The following KIAA0753 variants were observed in gnomAD, a reference collection of about 807,000 sequenced individuals.
KIAA0753 encodes KIAA0753.
In KIAA0753, 114 loss-of-function variants were observed where a neutral mutation model predicts 116.9. The ratio of observed to expected loss-of-function variants is 0.98; its 90% CI spans 0.84 to 1.14. The LOEUF is 1.14. Ranked by LOEUF, KIAA0753 falls within the 50% of genes most tolerant of loss-of-function variation. KIAA0753 has a pLI of 0.00. For missense variants in KIAA0753, 1,156 were observed against 1,172.4 expected (o/e 0.99, Z 0.20); for synonymous variants, 405 against 413.1 (o/e 0.98, Z 0.24).
chr17:6,600,233 A>G, intron 13 of KIAA0753, 147 bp downstream of exon 13: 1 of 656,436 alleles, frequency 1.5e-6, no homozygotes, highest in Non-Finnish European at 2.7e-6. Context: ...TGGAGGGCAT[A>G]TCAGTAGTGT....
At chr17:6,613,162 T>C (rs955572162) in intron 7 of KIAA0753, among the ~76,000 whole-genome samples, 8 of 151,772 alleles carry the variant, frequency 5.3e-5, no homozygotes, top group African/African-American at 1.2e-4. Context: ...AAATAACTAA[T>C]AGAAAATATA....
In KIAA0753 at chr17:6,624,871, T is replaced by A. The variant is rs200815852; in HGVS notation, c.719-10A>T. 6.6e-6 allele frequency: 10 copies of A among 1,525,714 alleles called. No individual in the cohort carries two copies. In the East Asian group the frequency reaches 2.2e-4, roughly 33 times the overall value. 94.5% of individuals were successfully genotyped at this position (1,525,714 alleles called of 1,614,324 possible). On this transcript the variant is annotated splice_polypyrimidine_tract_variant and intron_variant, in intron 3 of 18. Coordinates refer to ENST00000361413, the MANE Select transcript of KIAA0753 (RefSeq NM_014804.3). ...GCTTCTTCTAGTCTATCTGAAAATA[T>A]TAATAGTTTTCCCCAAAAGTGGATT...
intron 18 of KIAA0753, among the ~76,000 whole-genome samples, chr17:6,581,675 T>C (rs756416132): frequency 2.0e-5 from 3 of 152,256 alleles, no homozygotes; most frequent in Non-Finnish European, 4.4e-5. Context: ...TGTCTTTTAC[T>C]TATGTATTCA....
chr17:6,605,782 T>G (rs561315230), intron 12 of KIAA0753, among the ~76,000 whole-genome samples: 82 of 152,264 alleles, frequency 5.4e-4, no homozygotes, highest in African/African-American at 1.9e-3. Flanking sequence ...GTCGATTCCT[T>G]GACTTACGAT....
At chr17:6,625,540 A>C (rs1971610489) in intron 3 of KIAA0753, among the ~76,000 whole-genome samples, 1 of 151,020 alleles carries the variant, frequency 6.6e-6, no homozygotes, top group African/African-American at 2.4e-5. Context: ...GGTGGTGTGC[A>C]CCTGTAATCC....
intron 17 of KIAA0753, 97 bp downstream of exon 17, chr17:6,590,413 A>T: frequency 6.9e-7 from 1 of 1,455,180 alleles, no homozygotes; most frequent in East Asian, 2.3e-5. Flanking sequence ...CAAAGGAAGA[A>T]TTTCTGTCTG....
At chr17:6,628,830 T>G in intron 2 of KIAA0753, 89 bp from the exon 3 acceptor site, 1 of 1,333,822 alleles carries the variant, frequency 7.5e-7, no homozygotes, top group Non-Finnish European at 1.0e-6. Flanking sequence ...TCTAAAATTT[T>G]GCCACCAGAT....
chr17:6,590,475 C>T, intron 17 of KIAA0753, 35 bp downstream of exon 17: 1 of 1,611,824 alleles, frequency 6.2e-7, no homozygotes, highest in South Asian at 1.1e-5. Flanking sequence ...AGGTGACTGA[C>T]TAGAATGAAA....
intron 9 of KIAA0753, among the ~76,000 whole-genome samples, 178 bp from the exon 10 acceptor site, chr17:6,608,642 G>GT (rs1395786479): frequency 6.6e-6 from 1 of 152,208 alleles, no homozygotes; most frequent in Non-Finnish European, 1.5e-5. Flanking sequence ...CTCAGGCACA[G>GT]TGTCAAAGGG....
intron 18 of KIAA0753, among the ~76,000 whole-genome samples, chr17:6,582,785 A>C (rs1240480000): frequency 6.6e-6 from 1 of 152,206 alleles, no homozygotes; most frequent in East Asian, 1.9e-4. Flanking sequence ...CTGGATTACA[A>C]CAAGTATCCA....
chr17:6,579,827 C>G lies in KIAA0753; in HGVS notation c.2824G>C (p.Val942Leu), dbSNP rs1316349782. 2 of 1,613,930 alleles carry G rather than the reference C, an allele frequency of 1.2e-6. No homozygotes were observed. The highest frequency in any genetic ancestry group is 3.3e-5 in the Admixed American group (2 of 60,032). Residue 942 changes from valine (V) to leucine (L), a missense_variant, in exon 19 of 19, where the codon GTG becomes CTG. Transcript: ENST00000361413. The stretch of plus-strand genomic sequence containing the variant: ...CACATATCCTGAAGTTCAGCAGCCA[C>G]AGCACCCAGAGCTTCATCTACCAGC... ...EELVDEALGA[V>L]AAELQDMCED... is the part of the protein sequence containing the mutation.
rs151257515 is a variant in KIAA0753, at chr17:6,593,384, G to A, written c.2440+1588C>T. On this transcript the variant is annotated intron_variant, in intron 16 of 18. Coordinates refer to ENST00000361413, the MANE Select transcript of KIAA0753 (RefSeq NM_014804.3). Reference sequence around the variant, plus strand: ...CACACCTGGAATCCCAGCACTTCGGGAGGCCGGGAGCAGTGGTTCACGCCT... The same window carrying A: ...CACACCTGGAATCCCAGCACTTCGGAAGGCCGGGAGCAGTGGTTCACGCCT... Among the ~76,000 whole-genome samples, 467 of 152,112 alleles carry A rather than the reference G, an allele frequency of 3.1e-3. 2 individuals are homozygous for A. Among genetic ancestry groups the A allele is most frequent in the Middle Eastern group, 0.014 (4 of 292 alleles).
chr17:6,631,578 A>G (rs182847984), intron 2 of KIAA0753, among the ~76,000 whole-genome samples: 1 of 152,282 alleles, frequency 6.6e-6, no homozygotes, highest in East Asian at 1.9e-4. Context: ...ACAGCAAGAG[A>G]AGGAGGAAGG....
chr17:6,595,062 A>C lies in KIAA0753; in HGVS notation c.2359-9T>G. On this transcript the variant is annotated splice_polypyrimidine_tract_variant and intron_variant, in intron 15 of 18. Coordinates refer to ENST00000361413, the MANE Select transcript of KIAA0753 (RefSeq NM_014804.3). ...ACAGACTCCTGGTATTTCTTTAAAA[A>C]AAAAGAAAAAAGTTTAATTTATGAG... is the stretch of plus-strand genomic sequence containing the variant. 1 of 1,558,974 alleles carries C rather than the reference A, an allele frequency of 6.4e-7. No homozygotes were observed. Among genetic ancestry groups the C allele is most frequent in the East Asian group, 2.2e-5 (1 of 44,598 alleles).
chr17:6,593,800 G>A (rs923695807), intron 16 of KIAA0753, among the ~76,000 whole-genome samples: 1 of 152,192 alleles, frequency 6.6e-6, no homozygotes, highest in African/African-American at 2.4e-5. Context: ...AACAAGAATC[G>A]CTTGAACTCG....
intron 18 of KIAA0753, among the ~76,000 whole-genome samples, chr17:6,586,703 T>A (rs1353992380): frequency 6.6e-6 from 1 of 152,256 alleles, no homozygotes; most frequent in Non-Finnish European, 1.5e-5. Flanking sequence ...ATAAGAGCAC[T>A]GTCACCTTAA....
chr17:6,631,074 C>T (rs1031051389), intron 2 of KIAA0753, among the ~76,000 whole-genome samples: 5 of 150,674 alleles, frequency 3.3e-5, no homozygotes, highest in South Asian at 4.2e-4. Context: ...CACATATACA[C>T]GAGAGACAGG....
At chr17:6,635,432 A>T (rs1213058221) in intron 1 of KIAA0753, 1 of 179,532 alleles carries the variant, frequency 5.6e-6, no homozygotes, top group Non-Finnish European at 1.2e-5. Context: ...AGCCCTTTCC[A>T]TTCCAAATTT....
At chr17:6,624,639 A>C in intron 4 of KIAA0753, 116 bp downstream of exon 4, 1 of 655,714 alleles carries the variant, frequency 1.5e-6, no homozygotes, top group African/African-American at 1.8e-5. Context: ...CAAATCTGTC[A>C]GAACTCATAT....
Sources: allele counts gnomAD v4.1 joint callset (sites outside exome capture counted in the v4.1 genomes callset), GRCh38; gene constraint gnomAD v4.1.1; transcripts MANE v1.5; gene names NCBI Gene and HGNC (gene_info 2026-07-23, HGNC 2026-07-21).